The following PTPRQ variants were observed in gnomAD, a reference collection of about 807,000 sequenced individuals.
PTPRQ encodes the protein phosphatidylinositol phosphatase PTPRQ.
PTPRQ carries 199 observed loss-of-function variants against 246.0 expected under a neutral mutation model. That is an observed-to-expected ratio of 0.81 (90% CI 0.72 to 0.91). The LOEUF is 0.91. Among genes scored for constraint, PTPRQ ranks in the 40% least tolerant of loss-of-function variants. The probability of loss-of-function intolerance (pLI) is 0.00; values close to 1 mark genes in which losing one functional copy is unlikely to be tolerated. For missense variants in PTPRQ, 2,624 were observed against 2,528.4 expected, an observed-to-expected ratio of 1.04 and a Z score of -0.81; for synonymous variants, 869 against 853.2, an observed-to-expected ratio of 1.02 and a Z score of -0.32.
intron 37 of PTPRQ, among the ~76,000 whole-genome samples, chr12:80,651,618 C>T (rs188534095): frequency 1.9e-3 from 285 of 152,200 alleles, no homozygotes; most frequent in African/African-American, 6.5e-3. Flanking sequence ...ACCATCTAAA[C>T]AATCAACCTA....
intron 18 of PTPRQ, 100 bp from the exon 19 acceptor site, chr12:80,534,792 T>C: frequency 1.4e-6 from 2 of 1,383,514 alleles, no homozygotes; most frequent in Non-Finnish European, 1.9e-6. Flanking sequence ...AAAAACATTT[T>C]TTATCACTTT....
intron 26 of PTPRQ, among the ~76,000 whole-genome samples, chr12:80,589,308 A>C (rs1897715746): frequency 6.6e-6 from 1 of 152,176 alleles, no homozygotes; most frequent in Non-Finnish European, 1.5e-5. Flanking sequence ...GCATTCTCTG[A>C]AATGCCATTT....
At chr12:80,466,035 G>A (rs1305810474) in intron 6 of PTPRQ, among the ~76,000 whole-genome samples, 2 of 152,160 alleles carry the variant, frequency 1.3e-5, no homozygotes, top group Non-Finnish European at 2.9e-5. Flanking sequence ...GAAGTAAACG[G>A]TATTCAATTA....
chr12:80,642,029 AT>A (rs1235104424), intron 35 of PTPRQ, among the ~76,000 whole-genome samples: 1 of 150,442 alleles, frequency 6.6e-6, no homozygotes, highest in Non-Finnish European at 1.5e-5. Context: ...CTAACGCCAA[AT>A]TTTCTTTCCT....
At chr12:80,570,034 A>G (rs183704795) in intron 25 of PTPRQ, among the ~76,000 whole-genome samples, 1 of 152,338 alleles carries the variant, frequency 6.6e-6, no homozygotes, top group Non-Finnish European at 1.5e-5. Flanking sequence ...ATAGTGCTGC[A>G]CTAAACATAC....
chr12:80,565,782 G>A lies in PTPRQ; in HGVS notation c.4285+16048G>A, dbSNP rs7315414. ...CAATGCAATGTAAATACAAAGAAAAGGATTTGAACAGATAGAAGACTGTAC... is the reference window on the plus strand; with the variant it reads ...CAATGCAATGTAAATACAAAGAAAAAGATTTGAACAGATAGAAGACTGTAC... On this transcript the variant is annotated intron_variant, in intron 25 of 44. Coordinates refer to ENST00000644991, the MANE Select transcript of PTPRQ (RefSeq NM_001145026.2). 4.5e-3 allele frequency among the ~76,000 whole-genome samples: 679 copies of A among 152,196 alleles called. 4 individuals carry two copies. Among genetic ancestry groups the A allele is most frequent in the African/African-American group, 0.015 (622 of 41,532 alleles).
chr12:80,505,491 G>A (rs1024474233), intron 14 of PTPRQ, among the ~76,000 whole-genome samples: 3 of 151,808 alleles, frequency 2.0e-5, no homozygotes, highest in Non-Finnish European at 4.4e-5. Context: ...AATGTATTCA[G>A]TATAAAAATG....
intron 8 of PTPRQ, among the ~76,000 whole-genome samples, chr12:80,477,730 A>C (rs971461064): frequency 3.9e-5 from 6 of 152,200 alleles, no homozygotes; most frequent in Admixed American, 6.5e-5. Context: ...GCAAGGGGTC[A>C]GGGAGTTCCC....
chr12:80,626,269 G>A (rs765586852), intron 33 of PTPRQ, among the ~76,000 whole-genome samples: 1 of 152,084 alleles, frequency 6.6e-6, no homozygotes, highest in Non-Finnish European at 1.5e-5. Flanking sequence ...CAAGACAGAC[G>A]TATTTCAGGC....
intron 3 of PTPRQ, among the ~76,000 whole-genome samples, chr12:80,455,256 C>T (rs1364654439): frequency 2.0e-5 from 3 of 152,008 alleles, no homozygotes; most frequent in African/African-American, 4.8e-5. Flanking sequence ...TATAGAGTAT[C>T]GTTTATACTT....
intron 5 of PTPRQ, among the ~76,000 whole-genome samples, chr12:80,460,236 G>A (rs1164810972): frequency 6.6e-6 from 1 of 152,072 alleles, no homozygotes; most frequent in Non-Finnish European, 1.5e-5. Context: ...TAACGTGTGA[G>A]CTAGTGGCAT....
In PTPRQ at chr12:80,495,224, A is replaced by T; in HGVS notation, c.1735A>T (p.Asn579Tyr). The T allele has an allele frequency of 1.3e-6, 2 of 1,538,746 alleles. No individual in the cohort carries two copies. Among genetic ancestry groups the T allele is most frequent in the Non-Finnish European group, 1.7e-6 (2 of 1,142,882 alleles). ...CTCCATTAAAATTATAAACTATAAA[A>T]ATATTAGTTCTTCATCTATTTTGTT... ...PSSIKIINYK[N>Y]ISSSSILLYW... The change falls in exon 12 of 45, where the codon AAT (asparagine) becomes TAT (tyrosine). Residue 579 changes from asparagine (N) to tyrosine (Y), a missense_variant. Coordinates refer to ENST00000644991, the MANE Select transcript of PTPRQ (RefSeq NM_001145026.2).
At position 80,484,584 on chromosome 12, in the gene PTPRQ, T is replaced by G. The variant is rs753038688; in HGVS notation, c.1338T>G (p.Thr446=). The G allele has an allele frequency of 1.3e-6, 2 of 1,550,596 alleles. No individual in the cohort carries two copies. Among genetic ancestry groups the G allele is most frequent in the Non-Finnish European group, 1.7e-6 (2 of 1,146,666 alleles). ...VPETGIILEN[T]LLTGNNEYIN... The stretch of plus-strand genomic sequence containing the variant: ...AGACAGGAATAATTTTGGAAAATAC[T>G]TTGCTCACTGGAAATAATGAGGTAT... The change falls in exon 9 of 45, where the codon ACT becomes ACG. Residue 446 remains threonine, a synonymous_variant. Coordinates refer to ENST00000644991, the MANE Select transcript of PTPRQ (RefSeq NM_001145026.2).
intron 9 of PTPRQ, 111 bp from the exon 10 acceptor site, chr12:80,493,164 T>A: frequency 3.3e-6 from 4 of 1,204,666 alleles, no homozygotes; most frequent in Non-Finnish European, 4.3e-6. Flanking sequence ...AAATATGTTA[T>A]CTTTTATAAC....
chr12:80,546,446 C>T lies in PTPRQ; in HGVS notation c.3874-110C>T. 4.9e-6 allele frequency: 5 copies of T among 1,025,152 alleles called. No homozygotes were observed. In the South Asian group the frequency reaches 8.5e-5, roughly 17 times the overall value. The allele number at this position is 1,025,152 out of a possible 1,614,324, so 63.5% of individuals were successfully genotyped here. ...TTTATTATAATTTAAAATATCCATG[C>T]TTATTAAACTATAGGTTAAATATAA... On this transcript the variant is annotated intron_variant, in intron 23 of 44. Coordinates refer to ENST00000644991, the MANE Select transcript of PTPRQ (RefSeq NM_001145026.2).
intron 33 of PTPRQ, among the ~76,000 whole-genome samples, chr12:80,631,537 G>C (rs1899436199): frequency 6.6e-6 from 1 of 152,032 alleles, no homozygotes. Flanking sequence ...GTAGCCTTTT[G>C]TTAGCTTCCT....
intron 35 of PTPRQ, 115 bp downstream of exon 35, chr12:80,635,188 ATCT>A (rs1350528357): frequency 3.5e-6 from 5 of 1,410,276 alleles, no homozygotes; most frequent in East Asian, 2.8e-5. Flanking sequence ...GGTCACAGAG[ATCT>A]TCTTTCAAAG....
intron 17 of PTPRQ, among the ~76,000 whole-genome samples, chr12:80,512,051 T>C (rs1232752738): frequency 6.6e-6 from 1 of 152,166 alleles, no homozygotes; most frequent in Non-Finnish European, 1.5e-5. Flanking sequence ...TTGAGCTACA[T>C]TTGGGAAGAA....
At chr12:80,449,821 C>T (rs2075308653) in intron 3 of PTPRQ, among the ~76,000 whole-genome samples, 1 of 152,164 alleles carries the variant, frequency 6.6e-6, no homozygotes, top group Non-Finnish European at 1.5e-5. Flanking sequence ...ATGCCTCCAG[C>T]TTCGTTCTTT....
Sources: gnomAD v4.1 joint callset for allele counts (sites outside exome capture counted in the v4.1 genomes callset) on GRCh38, gnomAD v4.1.1 for gene constraint, MANE v1.5 for transcripts, NCBI Gene and HGNC (gene_info 2026-07-23, HGNC 2026-07-21) for gene names.